The following RNF14 variants were observed in gnomAD, a reference collection of about 807,000 sequenced individuals.
The protein encoded by RNF14 is E3 ubiquitin-protein ligase RNF14.
In RNF14, 26 loss-of-function variants were observed where a neutral mutation model predicts 52.6. That is an observed-to-expected ratio of 0.49 (90% CI 0.36 to 0.69). The LOEUF is 0.69. Ranked by LOEUF, RNF14 falls within the 30% of genes least tolerant of loss-of-function variation. The pLI is 0.00. For synonymous variants in RNF14, 194 were observed against 202.0 expected, an observed-to-expected ratio of 0.96 and a Z score of 0.34; for missense variants, 404 against 560.4, an observed-to-expected ratio of 0.72 and a Z score of 2.82.
At chr5:141,968,697 T>TA (rs1249668865), upstream of RNF14, among the ~76,000 whole-genome samples, 13 of 152,170 alleles carry the variant, frequency 8.5e-5, no homozygotes, top group South Asian at 2.1e-4. Flanking sequence ...CGGTCGGTGT[T>TA]ACAGTTATAA....
chr5:141,956,958 A>G (rs1753195045), upstream of RNF14: 2 of 1,614,194 alleles, frequency 1.2e-6, no homozygotes, highest in South Asian at 1.1e-5. Context: ...CTGTCTTGGC[A>G]TCAATACTGA....
At chr5:141,973,273 T>C (rs1010152600) in intron 2 of RNF14, among the ~76,000 whole-genome samples, 9 of 147,648 alleles carry the variant, frequency 6.1e-5, no homozygotes, top group Non-Finnish European at 1.0e-4. Flanking sequence ...AGTTTCACTC[T>C]TGTCGCCCAG....
rs1754453420 is a variant in RNF14 at position 141,978,445 on chromosome 5, C to T, written c.449C>T (p.Ser150Phe). The change falls in exon 5 of 9, where the codon TCT becomes TTT. Residue 150 changes from serine (S) to phenylalanine (F), a missense_variant. Physicochemically the swap from Ser to Phe is radical, Grantham distance 155. Transcript: ENST00000394520. ...IVSPFELKIG[S>F]QKKVQRRTAQ... ...TCTCCTTTTGAGCTCAAGATTGGTT[C>T]TCAGAAAAAAGTGCAGAGAAGGACA... is the stretch of plus-strand genomic sequence containing the variant. 2 of 1,614,122 alleles carry T rather than the reference C, an allele frequency of 1.2e-6. No homozygotes were observed. The highest frequency in any genetic ancestry group is 1.7e-6 in the Non-Finnish European group (2 of 1,180,014).
At chr5:141,971,997 A>C (rs899418410) in intron 2 of RNF14, among the ~76,000 whole-genome samples, 11 of 152,120 alleles carry the variant, frequency 7.2e-5, no homozygotes, top group African/African-American at 2.4e-4. Flanking sequence ...AATCTTTCTT[A>C]AAATTATTAT....
intron 1 of RNF14, among the ~76,000 whole-genome samples, chr5:141,959,625 T>A (rs570710032): frequency 6.6e-5 from 10 of 152,332 alleles, no homozygotes; most frequent in African/African-American, 1.9e-4. Flanking sequence ...TGGAGGCCTG[T>A]GGTCATCAGG....
chr5:141,954,883 A>C, upstream of RNF14: 1 of 1,482,178 alleles, frequency 6.7e-7, no homozygotes, highest in East Asian at 2.3e-5. Context: ...AGGAAGAAAC[A>C]TGAGGACTGT....
upstream of RNF14, among the ~76,000 whole-genome samples, chr5:141,968,244 T>C (rs2126951788): frequency 6.6e-6 from 1 of 152,102 alleles, no homozygotes; most frequent in East Asian, 1.9e-4. Flanking sequence ...TAGCTGGGAC[T>C]ACAGGTGCCC....
chr5:141,949,388 C>G, the RNF14 span: 1 of 1,578,142 alleles, frequency 6.3e-7, no homozygotes, highest in Non-Finnish European at 8.6e-7. Context: ...GCTTGGACAC[C>G]ATGGGGCAGA....
intron 8 of RNF14, among the ~76,000 whole-genome samples, chr5:141,986,933 A>G (rs1755287260): frequency 6.6e-6 from 1 of 152,188 alleles, no homozygotes; most frequent in African/African-American, 2.4e-5. Flanking sequence ...TCTCTGGGGG[A>G]GTTCTCTGAT....
intron 8 of RNF14, among the ~76,000 whole-genome samples, chr5:141,985,688 G>A (rs1755173329): frequency 6.6e-6 from 1 of 152,176 alleles, no homozygotes. Flanking sequence ...GAGTAGCTGG[G>A]ACTACAGGCG....
intron 1 of RNF14, among the ~76,000 whole-genome samples, chr5:141,961,316 G>A (rs536590791): frequency 9.9e-5 from 15 of 152,124 alleles, no homozygotes; most frequent in Admixed American, 2.6e-4. Context: ...TTTATTGTTT[G>A]TTTTATTCAC....
chr5:141,981,886 T>C (rs1439252811), intron 6 of RNF14, among the ~76,000 whole-genome samples: 1 of 151,724 alleles, frequency 6.6e-6, no homozygotes, highest in Non-Finnish European at 1.5e-5. Flanking sequence ...AAAATAGTAA[T>C]TATTAATGCT....
At chr5:141,956,324 T>A, upstream of RNF14, 1 of 1,614,198 alleles carries the variant, frequency 6.2e-7, no homozygotes. Context: ...TTGGAGTCAA[T>A]AGCTACTAAG....
chr5:141,957,918 G>A (rs895206076), upstream of RNF14: 1 of 1,536,364 alleles, frequency 6.5e-7, no homozygotes, highest in Non-Finnish European at 8.7e-7. This position sits in a 1 kb window ranked among gnomAD's most constrained non-coding sequence, Gnocchi z 4.3. Context: ...AAGTCCTCCA[G>A]TGTTTCCTGG....
rs1753682476 is a variant in RNF14, at chr5:141,970,887, G to A, written c.-7+10G>A. The A allele has an allele frequency of 6.6e-6, 1 of 152,250 alleles. No individual in the cohort carries two copies. The highest frequency in any genetic ancestry group is 1.5e-5 in the Non-Finnish European group (1 of 68,034). The allele number at this position is 152,250 out of a possible 1,614,324, so 9.4% of individuals were successfully genotyped here. On this transcript the variant is annotated intron_variant, in intron 2 of 8. Coordinates refer to ENST00000394520, the MANE Select transcript of RNF14 (RefSeq NM_004290.5). ...TGATTGTTATTAACAGGTACTAACT[G>A]ACCTCAAGTAGAACATGTAATTGTG...
upstream of RNF14, chr5:141,955,034 C>T: frequency 6.2e-7 from 1 of 1,614,224 alleles, no homozygotes; most frequent in Non-Finnish European, 8.5e-7. This position sits in a 1 kb window ranked among gnomAD's most constrained non-coding sequence, Gnocchi z 5.5. Flanking sequence ...AAGGCAGCCA[C>T]AGACAGCCGG....
At chr5:141,957,861 C>T (rs752949062), upstream of RNF14, 3 of 1,592,678 alleles carry the variant, frequency 1.9e-6, no homozygotes, top group African/African-American at 1.3e-5. The surrounding 1 kb of genome is among the most constrained non-coding windows in gnomAD (Gnocchi z 4.3). Context: ...TGCTTACCGC[C>T]AAGTGGGCTA....
At chr5:141,964,160 G>A (rs772332156), upstream of RNF14, among the ~76,000 whole-genome samples, 18 of 152,304 alleles carry the variant, frequency 1.2e-4, no homozygotes, top group Admixed American at 2.0e-4. Context: ...GTAGCAGTCT[G>A]TCTTTATATA....
chr5:141,984,543 C>T (rs1172518591), intron 7 of RNF14, among the ~76,000 whole-genome samples: 2 of 152,182 alleles, frequency 1.3e-5, no homozygotes, highest in South Asian at 2.1e-4. Flanking sequence ...TCCAGTTATA[C>T]TTGTGTGATT....
Sources: gnomAD v4.1 joint callset for allele counts (sites outside exome capture counted in the v4.1 genomes callset) on GRCh38, gnomAD v4.1.1 for gene constraint, Gnocchi (gnomAD v3.1) non-coding constraint, MANE v1.5 for transcripts, NCBI Gene and HGNC (gene_info 2026-07-23, HGNC 2026-07-21) for gene names.